Variants in NEIL3 observed in about 807,000 individuals in gnomAD.
NEIL3 encodes the protein nei like DNA glycosylase 3, also known as endonuclease 8-like 3.
In NEIL3, 48 loss-of-function variants were observed where a neutral mutation model predicts 57.5. That is an observed-to-expected ratio of 0.83 (90% CI 0.66 to 1.06). NEIL3 has a LOEUF of 1.06. Ranked by LOEUF, NEIL3 falls within the 50% of genes least tolerant of loss-of-function variation. The pLI is 0.00. For synonymous variants in NEIL3, 261 were observed against 253.2 expected, an observed-to-expected ratio of 1.03 and a Z score of -0.29; for missense variants, 717 against 739.1, an observed-to-expected ratio of 0.97 and a Z score of 0.35.
rs767933527 is a variant in NEIL3, at chr4:177,310,105, C to T, written c.152C>T (p.Pro51Leu). 1 of 1,575,396 alleles carries T rather than the reference C, an allele frequency of 6.3e-7. No individual in the cohort carries two copies. Among genetic ancestry groups the T allele is most frequent in the Non-Finnish European group, 8.6e-7 (1 of 1,164,580 alleles). The change falls in exon 1 of 10, where the codon CCG becomes CTG. Residue 51 changes from proline (P) to leucine (L), a missense_variant. By Grantham distance (98) the Pro-to-Leu change is moderately conservative. Transcript: ENST00000264596. ...GCAGCCTCCACGGTTGTGGTCTCCC[C>T]GCAGGTGAGCTACTCCTGTAACAGG... Reference protein sequence around the residue: ...RLAASTVVVSPQAAALNNDSS... With the variant: ...RLAASTVVVSLQAAALNNDSS...
the NEIL3 span, among the ~76,000 whole-genome samples, chr4:177,370,224 C>T: frequency 6.6e-6 from 1 of 152,196 alleles, no homozygotes. Flanking sequence ...AGAGCCAAAG[C>T]CTCAGATTAA....
chr4:177,365,517 C>T (rs1405879898), downstream of NEIL3, among the ~76,000 whole-genome samples: 1 of 152,130 alleles, frequency 6.6e-6, no homozygotes, highest in African/African-American at 2.4e-5. Context: ...CCACTACAAC[C>T]ACCATCAGTC....
At chr4:177,369,350 T>C in the NEIL3 span, among the ~76,000 whole-genome samples, 1 of 152,122 alleles carries the variant, frequency 6.6e-6, no homozygotes, top group East Asian at 1.9e-4. Flanking sequence ...GCAACAGAAA[T>C]ATTCCTGTTT....
chr4:177,312,738 T>C (rs1234856285), intron 1 of NEIL3, among the ~76,000 whole-genome samples: 1 of 152,182 alleles, frequency 6.6e-6, no homozygotes, highest in Non-Finnish European at 1.5e-5. Flanking sequence ...GTCTTTGTGG[T>C]TAGTATCAGG....
intron 1 of NEIL3, among the ~76,000 whole-genome samples, chr4:177,313,340 A>G (rs919917185): frequency 6.6e-6 from 1 of 152,196 alleles, no homozygotes; most frequent in Non-Finnish European, 1.5e-5. Flanking sequence ...ACTTGAATGC[A>G]TGTCTGCCTG....
chr4:177,344,472 G>C (rs898712545), intron 6 of NEIL3, among the ~76,000 whole-genome samples: 1 of 152,096 alleles, frequency 6.6e-6, no homozygotes, highest in Admixed American at 6.5e-5. Flanking sequence ...AAAGCTTACT[G>C]AACTCATGAA....
chr4:177,335,161 G>A (rs1343757137), intron 2 of NEIL3, among the ~76,000 whole-genome samples: 1 of 152,104 alleles, frequency 6.6e-6, no homozygotes, highest in African/African-American at 2.4e-5. Flanking sequence ...CAAAACAAGG[G>A]GGGAAAAGAG....
chr4:177,342,626 A>G (rs1185638209), intron 6 of NEIL3, among the ~76,000 whole-genome samples: 2 of 152,050 alleles, frequency 1.3e-5, no homozygotes, highest in African/African-American at 4.8e-5. Flanking sequence ...TCCTTGTTCC[A>G]CTCTTTCCCC....
At chr4:177,345,306 A>G (rs543585596) in intron 6 of NEIL3, among the ~76,000 whole-genome samples, 1 of 152,162 alleles carries the variant, frequency 6.6e-6, no homozygotes, top group Non-Finnish European at 1.5e-5. Context: ...GAAACAACAC[A>G]TGGGAAAGTA....
chr4:177,330,260 CAAAT>C (rs1734856932), intron 2 of NEIL3, among the ~76,000 whole-genome samples: 1 of 152,214 alleles, frequency 6.6e-6, no homozygotes, highest in African/African-American at 2.4e-5. Context: ...ACTCACCTGT[CAAAT>C]AAATCACAAA....
intron 6 of NEIL3, among the ~76,000 whole-genome samples, chr4:177,349,410 C>T (rs1280836860): frequency 2.6e-5 from 4 of 152,070 alleles, no homozygotes; most frequent in Non-Finnish European, 5.9e-5. Flanking sequence ...GTGCTGCCAG[C>T]GTTCTTTCAT....
downstream of NEIL3, among the ~76,000 whole-genome samples, chr4:177,364,214 G>C (rs1316154944): frequency 6.6e-6 from 1 of 152,166 alleles, no homozygotes; most frequent in Non-Finnish European, 1.5e-5. Flanking sequence ...GGGGGTTTCT[G>C]CCTCCTTGTG....
chr4:177,362,627 T>C lies in NEIL3; in HGVS notation c.*156T>C. On this transcript the variant is annotated 3_prime_UTR_variant, in exon 10 of 10. Coordinates refer to ENST00000264596, the MANE Select transcript of NEIL3 (RefSeq NM_018248.3). The stretch of plus-strand genomic sequence containing the variant: ...TTTTTTTTCTTGTGTGTGCCATCTT[T>C]CCATTGTTGGCTACGTCTTTTCTTT... 1.8e-6 allele frequency: 1 copy of C among 561,992 alleles called. No homozygotes were observed. The highest frequency in any genetic ancestry group is 3.0e-6 in the Non-Finnish European group (1 of 334,468). The allele number at this position is 561,992 out of a possible 1,614,324, so 34.8% of individuals were successfully genotyped here.
At chr4:177,332,389 C>T (rs74440316) in intron 2 of NEIL3, among the ~76,000 whole-genome samples, 10,566 of 152,226 alleles carry the variant, frequency 0.069, 546 homozygotes, top group East Asian at 0.28. Flanking sequence ...AGGGTTTCCG[C>T]TGCTGTCCTG....
intron 2 of NEIL3, among the ~76,000 whole-genome samples, chr4:177,324,788 C>T (rs1168008347): frequency 1.3e-5 from 2 of 152,078 alleles, no homozygotes. Context: ...AATCCCACTA[C>T]CAGGTGTAAT....
chr4:177,342,706 T>G (rs1735121010), intron 6 of NEIL3, among the ~76,000 whole-genome samples: 1 of 152,190 alleles, frequency 6.6e-6, no homozygotes, highest in South Asian at 2.1e-4. Context: ...AAAATAGAAT[T>G]TTGATTAAAC....
intron 8 of NEIL3, 132 bp downstream of exon 8, chr4:177,353,860 C>G: frequency 1.5e-5 from 11 of 739,844 alleles, no homozygotes; most frequent in Non-Finnish European, 2.2e-5. Flanking sequence ...CTGCCTCCCG[C>G]GTTCAAGCGA....
At chr4:177,321,574 A>G (rs1365196408) in intron 1 of NEIL3, among the ~76,000 whole-genome samples, 1 of 152,082 alleles carries the variant, frequency 6.6e-6, no homozygotes, top group East Asian at 1.9e-4. Context: ...AAGAACCTAC[A>G]TTTTATATTT....
At chr4:177,355,244 T>C (rs1235729701) in intron 8 of NEIL3, among the ~76,000 whole-genome samples, 1 of 152,218 alleles carries the variant, frequency 6.6e-6, no homozygotes, top group Non-Finnish European at 1.5e-5. Context: ...GTATGTCTTT[T>C]CTTGCCAATG....
Sources: allele counts gnomAD v4.1 joint callset (sites outside exome capture counted in the v4.1 genomes callset), GRCh38; gene constraint gnomAD v4.1.1; transcripts MANE v1.5; gene names NCBI Gene and HGNC (gene_info 2026-07-23, HGNC 2026-07-21).